CEP126: variants seen among roughly 807,000 people sequenced by gnomAD.
The protein encoded by CEP126 is centrosomal protein of 126 kDa.
Under a neutral mutation model 107.8 loss-of-function variants are expected in CEP126, and 74 were observed. The observed-to-expected ratio is 0.69, with a 90% CI of 0.57 to 0.83. The LOEUF is 0.83. Among genes scored for constraint, CEP126 ranks in the 40% least tolerant of loss-of-function variants. The pLI is 0.00. For synonymous variants in CEP126, 449 were observed against 446.0 expected (o/e 1.01, Z -0.08); for missense variants, 1,237 against 1,281.9 (o/e 0.96, Z 0.53).
intron 7 of CEP126, 128 bp from the exon 8 acceptor site, chr11:101,981,761 T>C (rs1941257447): frequency 3.6e-6 from 2 of 553,432 alleles, no homozygotes; most frequent in Admixed American, 3.7e-5. Flanking sequence ...AAAAATGTAA[T>C]ATACAAGTTA....
At chr11:101,926,068 C>G (rs1217146364) in intron 2 of CEP126, among the ~76,000 whole-genome samples, 1 of 151,960 alleles carries the variant, frequency 6.6e-6, no homozygotes, top group Non-Finnish European at 1.5e-5. Flanking sequence ...TAGGAAACCC[C>G]AAGGTTTCAT....
chr11:101,923,953 C>G (rs148739353), intron 2 of CEP126, among the ~76,000 whole-genome samples: 5 of 152,236 alleles, frequency 3.3e-5, no homozygotes, highest in African/African-American at 1.2e-4. Context: ...GTAAAAATAT[C>G]AGTGTCTGAC....
chr11:101,961,353 G>A (rs1158264647), intron 5 of CEP126, among the ~76,000 whole-genome samples: 1 of 151,984 alleles, frequency 6.6e-6, no homozygotes, highest in East Asian at 1.9e-4. Flanking sequence ...CAAGTCCAGT[G>A]AATGTTTTAG....
chr11:101,992,270 T>C (rs1181412410), intron 9 of CEP126, among the ~76,000 whole-genome samples: 1 of 152,168 alleles, frequency 6.6e-6, no homozygotes, highest in African/African-American at 2.4e-5. Flanking sequence ...ATTTTTTAAA[T>C]TTTTGTTTGA....
At chr11:101,946,106 G>C (rs1041489435) in intron 3 of CEP126, among the ~76,000 whole-genome samples, 2 of 152,052 alleles carry the variant, frequency 1.3e-5, no homozygotes, top group African/African-American at 4.8e-5. Context: ...CTGAGTGTAA[G>C]AGATAAGATT....
At chr11:101,985,280 G>C (rs1941303362) in intron 8 of CEP126, among the ~76,000 whole-genome samples, 1 of 150,868 alleles carries the variant, frequency 6.6e-6, no homozygotes, top group Admixed American at 6.6e-5. Flanking sequence ...AAACATAAAT[G>C]AGTTTCTTTT....
chr11:101,923,910 G>T (rs555543406), intron 2 of CEP126, among the ~76,000 whole-genome samples: 4 of 152,130 alleles, frequency 2.6e-5, no homozygotes, highest in African/African-American at 7.2e-5. Flanking sequence ...GAGCAGAAAG[G>T]GTAGAAATAA....
At chr11:101,935,240 A>T (rs1057119752) in intron 2 of CEP126, among the ~76,000 whole-genome samples, 3 of 151,990 alleles carry the variant, frequency 2.0e-5, no homozygotes, top group Admixed American at 2.0e-4. Context: ...ATCTATATAT[A>T]TATTCTGGGT....
At chr11:101,991,585 A>C (rs906449469) in intron 9 of CEP126, among the ~76,000 whole-genome samples, 95 of 152,228 alleles carry the variant, frequency 6.2e-4, no homozygotes, top group Non-Finnish European at 1.8e-4. Flanking sequence ...CAGCAGAGAA[A>C]TGAAAACTCT....
intron 1 of CEP126, among the ~76,000 whole-genome samples, chr11:101,917,223 A>G (rs967478254): frequency 6.6e-6 from 1 of 152,160 alleles, no homozygotes; most frequent in African/African-American, 2.4e-5. Flanking sequence ...CTAGCTGGAA[A>G]AACACTAAAG....
intron 2 of CEP126, among the ~76,000 whole-genome samples, chr11:101,928,513 T>G (rs1405454815): frequency 6.6e-6 from 1 of 152,196 alleles, no homozygotes; most frequent in Admixed American, 6.5e-5. Flanking sequence ...CAGTTAAGTC[T>G]GTGATCCAGT....
chr11:101,915,189 G>A lies in CEP126; in HGVS notation c.-96G>A, dbSNP rs1043438027. 6.5e-7 allele frequency: 1 copy of A among 1,541,442 alleles called. No homozygotes were observed. The highest frequency in any genetic ancestry group is 8.8e-7 in the Non-Finnish European group (1 of 1,136,026). The stretch of plus-strand genomic sequence containing the variant: ...GCCCGTGACGCGGGGCCTGAGAGAC[G>A]GAGTGTAGGGAGGGGCCGAGCAGGA... On this transcript the variant is annotated 5_prime_UTR_variant, in exon 1 of 11. Coordinates refer to ENST00000263468, the MANE Select transcript of CEP126 (RefSeq NM_020802.4).
intron 5 of CEP126, among the ~76,000 whole-genome samples, chr11:101,959,791 G>A (rs1940948643): frequency 6.6e-6 from 1 of 152,152 alleles, no homozygotes; most frequent in Non-Finnish European, 1.5e-5. Flanking sequence ...TGCAGTCATT[G>A]CAGAACAAAA....
At chr11:101,943,684 A>G (rs558892281) in intron 2 of CEP126, among the ~76,000 whole-genome samples, 1 of 152,118 alleles carries the variant, frequency 6.6e-6, no homozygotes, top group African/African-American at 2.4e-5. Context: ...AGGGAATGGC[A>G]GGGATTAGGG....
rs1352141230 is a variant in CEP126 at position 101,963,189 on chromosome 11, T to G, written c.2154T>G (p.Gly718=). 15 of 1,614,060 alleles carry G rather than the reference T, an allele frequency of 9.3e-6. No homozygotes were observed. Among genetic ancestry groups the G allele is most frequent in the Non-Finnish European group, 1.3e-5 (15 of 1,180,006 alleles). ...CTTTGAACTGTTTTATACCTTCAGG[T>G]TATAACTTTGCTAAACATGCCTGGC... ...HMPLNCFIPS[G]YNFAKHAWPA... Residue 718 remains glycine, a synonymous_variant, in exon 6 of 11, where the codon GGT becomes GGG. Coordinates refer to ENST00000263468, the MANE Select transcript of CEP126 (RefSeq NM_020802.4).
Position 101,919,689 on chromosome 11 carries a change from A to T in CEP126, c.129-2952A>T, listed in dbSNP as rs1371811161. 5.3e-5 allele frequency among the ~76,000 whole-genome samples: 8 copies of T among 152,256 alleles called. 1 individual carries two copies. The highest frequency in any genetic ancestry group is 3.9e-4 in the Admixed American group (6 of 15,286). On this transcript the variant is annotated intron_variant, in intron 1 of 10. Transcript: ENST00000263468. ...TATTATACTTATATATAAAGAAAGT[A>T]GAAAATCATTTGGTTAAATTGAAGA...
intron 5 of CEP126, among the ~76,000 whole-genome samples, chr11:101,960,209 A>C (rs1414285759): frequency 6.6e-6 from 1 of 152,202 alleles, no homozygotes; most frequent in African/African-American, 2.4e-5. Flanking sequence ...AATTGATCAT[A>C]ATGTTTCATT....
intron 7 of CEP126, among the ~76,000 whole-genome samples, chr11:101,981,307 T>C (rs934284269): frequency 2.0e-5 from 3 of 152,188 alleles, no homozygotes; most frequent in Non-Finnish European, 4.4e-5. Flanking sequence ...CTTTTTTTTA[T>C]TTTTGAGACA....
At chr11:101,995,381 G>A (rs1941430700) in intron 10 of CEP126, among the ~76,000 whole-genome samples, 1 of 152,144 alleles carries the variant, frequency 6.6e-6, no homozygotes, top group Admixed American at 6.5e-5. Flanking sequence ...ATACACATTG[G>A]AATCACATGG....
Sources: allele counts gnomAD v4.1 joint callset (sites outside exome capture counted in the v4.1 genomes callset), GRCh38; gene constraint gnomAD v4.1.1; transcripts MANE v1.5; gene names NCBI Gene and HGNC (gene_info 2026-07-23, HGNC 2026-07-21).